FOXN2: variants seen among roughly 807,000 people sequenced by gnomAD.
FOXN2 encodes forkhead box N2.
Under a neutral mutation model 41.2 loss-of-function variants are expected in FOXN2, and 19 were observed. The ratio of observed to expected loss-of-function variants is 0.46; its 90% CI spans 0.32 to 0.68. The LOEUF (loss-of-function observed/expected upper bound fraction) is 0.68, where lower values mean the gene tolerates loss of function less well. FOXN2 is among the 30% of genes least tolerant of loss of function. FOXN2 has a pLI of 0.03. For synonymous variants in FOXN2, 195 were observed against 176.8 expected (o/e 1.10, Z -0.82); for missense variants, 587 against 509.4 (o/e 1.15, Z -1.47).
At chr2:48,350,887 C>G (rs546776655) in intron 3 of FOXN2, among the ~76,000 whole-genome samples, 1 of 152,340 alleles carries the variant, frequency 6.6e-6, no homozygotes, top group South Asian at 2.1e-4. Context: ...TCTTTTACGA[C>G]TGCCATCTCT....
chr2:48,370,911 T>C (rs765234283), intron 5 of FOXN2, among the ~76,000 whole-genome samples: 26 of 152,230 alleles, frequency 1.7e-4, no homozygotes, highest in Non-Finnish European at 3.1e-4. Context: ...TTTCTCCTGG[T>C]AGTTTTATCG....
intron 4 of FOXN2, among the ~76,000 whole-genome samples, chr2:48,361,574 A>G (rs1395503067): frequency 6.6e-6 from 1 of 152,194 alleles, no homozygotes; most frequent in Non-Finnish European, 1.5e-5. Flanking sequence ...TTGTTTGGCA[A>G]AATAACAGTT....
chr2:48,351,999 G>A (rs1253658095), intron 3 of FOXN2, among the ~76,000 whole-genome samples: 1 of 152,166 alleles, frequency 6.6e-6, no homozygotes, highest in African/African-American at 2.4e-5. Context: ...GGGTGGAAAA[G>A]CAGAGTGATC....
At chr2:48,346,787 T>TG (rs762214980) in intron 3 of FOXN2, 36 bp downstream of exon 3, 3 of 1,498,388 alleles carry the variant, frequency 2.0e-6, no homozygotes, top group East Asian at 4.6e-5. Context: ...TTTGGTGAGG[T>TG]GGGGGGACTA....
chr2:48,346,364 G>A lies in FOXN2; in HGVS notation c.150G>A (p.Glu50=), dbSNP rs774071084. 1 of 1,614,208 alleles carries A rather than the reference G, an allele frequency of 6.2e-7. No homozygotes were observed. Among genetic ancestry groups the A allele is most frequent in the Non-Finnish European group, 8.5e-7 (1 of 1,180,026 alleles). ...ARPKATLVDS[E]SADDELTNLN... The stretch of plus-strand genomic sequence containing the variant: ...CGAAGGCCACTCTAGTGGACAGTGA[G>A]TCAGCAGATGATGAACTCACAAACT... The change falls in exon 3 of 7, where the codon GAG becomes GAA. Residue 50 remains glutamate, a synonymous_variant. Coordinates refer to ENST00000340553, the MANE Select transcript of FOXN2 (RefSeq NM_002158.4).
chr2:48,325,494 G>C (rs901838940), intron 1 of FOXN2, among the ~76,000 whole-genome samples: 2 of 152,098 alleles, frequency 1.3e-5, no homozygotes, highest in African/African-American at 4.8e-5. Context: ...AATACCGAAA[G>C]GAAATGTAGA....
At chr2:48,361,114 A>G (rs1350761481) in intron 4 of FOXN2, among the ~76,000 whole-genome samples, 1 of 152,078 alleles carries the variant, frequency 6.6e-6, no homozygotes, top group African/African-American at 2.4e-5. Flanking sequence ...TCATGTTTCT[A>G]TCTTTTAGCC....
intron 5 of FOXN2, among the ~76,000 whole-genome samples, chr2:48,365,992 C>T (rs1411610316): frequency 1.3e-5 from 2 of 152,172 alleles, no homozygotes; most frequent in Non-Finnish European, 2.9e-5. Context: ...GAGCCAGACT[C>T]CTTGTGCCAG....
chr2:48,331,972 C>A (rs774413145), intron 2 of FOXN2, among the ~76,000 whole-genome samples: 62 of 152,106 alleles, frequency 4.1e-4, no homozygotes, highest in Non-Finnish European at 6.8e-4. Flanking sequence ...ATATTTTTCT[C>A]AGATCTACCG....
At chr2:48,358,195 CCCT>C (rs1156736581) in intron 3 of FOXN2, among the ~76,000 whole-genome samples, 7 of 145,002 alleles carry the variant, frequency 4.8e-5, no homozygotes, top group Admixed American at 4.8e-4. Context: ...TTTCAAAATT[CCCT>C]CCTCGGTGGA....
chr2:48,354,466 G>A (rs921095811), intron 3 of FOXN2, among the ~76,000 whole-genome samples: 3 of 152,232 alleles, frequency 2.0e-5, no homozygotes, highest in African/African-American at 7.2e-5. Context: ...TGGGTGTGGT[G>A]GCGTGTGCCT....
chr2:48,372,187 G>C (rs1672944978), intron 5 of FOXN2, among the ~76,000 whole-genome samples: 1 of 151,978 alleles, frequency 6.6e-6, no homozygotes, highest in African/African-American at 2.4e-5. Flanking sequence ...ATTTTACTTG[G>C]GGAAAAAGAG....
chr2:48,330,905 A>C (rs758554536), intron 2 of FOXN2, among the ~76,000 whole-genome samples: 2 of 152,186 alleles, frequency 1.3e-5, no homozygotes, highest in Admixed American at 1.3e-4. Flanking sequence ...AGATGCTGCC[A>C]TATAGTTTGA....
chr2:48,358,180 T>G (rs559154456), intron 3 of FOXN2, among the ~76,000 whole-genome samples: 1 of 151,968 alleles, frequency 6.6e-6, no homozygotes, highest in Non-Finnish European at 1.5e-5. Flanking sequence ...TTATTGTCGT[T>G]TTTTTTTCAA....
Position 48,346,363 on chromosome 2 carries a change from A to G in FOXN2, c.149A>G (p.Glu50Gly). ...ARPKATLVDS[E>G]SADDELTNLN... ...CCGAAGGCCACTCTAGTGGACAGTGAGTCAGCAGATGATGAACTCACAAAC... is the reference window on the plus strand; with the variant it reads ...CCGAAGGCCACTCTAGTGGACAGTGGGTCAGCAGATGATGAACTCACAAAC... Residue 50 changes from glutamate (E) to glycine (G), a missense_variant, in exon 3 of 7, where the codon GAG becomes GGG. By Grantham distance (98) the Glu-to-Gly change is moderately conservative. Coordinates refer to ENST00000340553, the MANE Select transcript of FOXN2 (RefSeq NM_002158.4). 2 of 1,614,220 alleles carry G rather than the reference A, an allele frequency of 1.2e-6. No individual in the cohort carries two copies. The highest frequency in any genetic ancestry group is 1.7e-6 in the Non-Finnish European group (2 of 1,180,032).
At chr2:48,369,638 T>C (rs149595117) in intron 5 of FOXN2, among the ~76,000 whole-genome samples, 9 of 152,320 alleles carry the variant, frequency 5.9e-5, no homozygotes, top group African/African-American at 2.2e-4. Context: ...GGTTTCTCAT[T>C]ATAATGCATT....
intron 2 of FOXN2, among the ~76,000 whole-genome samples, chr2:48,341,112 T>C (rs1439523620): frequency 1.3e-5 from 2 of 152,184 alleles, no homozygotes; most frequent in South Asian, 2.1e-4. Context: ...ATCACAATTT[T>C]ATGTGGTTCA....
chr2:48,325,055 C>T (rs568963493), intron 1 of FOXN2, among the ~76,000 whole-genome samples: 5 of 152,176 alleles, frequency 3.3e-5, no homozygotes, highest in African/African-American at 4.8e-5. Context: ...ACTTCTAATA[C>T]AGAAGCATTA....
chr2:48,338,498 T>C (rs1670517134), intron 2 of FOXN2, among the ~76,000 whole-genome samples: 1 of 151,630 alleles, frequency 6.6e-6, no homozygotes. Flanking sequence ...GCCTCCTGGG[T>C]TCACGCCATT....
Sources: allele counts gnomAD v4.1 joint callset (sites outside exome capture counted in the v4.1 genomes callset), GRCh38; gene constraint gnomAD v4.1.1; transcripts MANE v1.5; gene names NCBI Gene and HGNC (gene_info 2026-07-23, HGNC 2026-07-21).